ZNF674: variants seen among roughly 807,000 people sequenced by gnomAD.
ZNF674 encodes the protein zinc finger protein 674.
Under a neutral mutation model 7.0 loss-of-function variants are expected in ZNF674, and 2 were observed. The observed-to-expected ratio is 0.29, with a 90% CI of 0.12 to 0.90. The LOEUF (loss-of-function observed/expected upper bound fraction) is 0.90. Ranked by LOEUF, ZNF674 falls within the 40% of genes least tolerant of loss-of-function variation. The probability of loss-of-function intolerance (pLI) is 0.57; values close to 1 mark genes in which losing one functional copy is unlikely to be tolerated. For synonymous variants in ZNF674, 103 were observed against 145.2 expected, an observed-to-expected ratio of 0.71 and a Z score of 2.09; for missense variants, 297 against 415.5, an observed-to-expected ratio of 0.71 and a Z score of 2.48.
chrX:46,501,662 ATGTGTGTG>A (rs372308686), intron 5 of ZNF674, among the ~76,000 whole-genome samples: 1 of 102,355 alleles, frequency 9.8e-6, no homozygotes, highest in East Asian at 3.0e-4. Context: ...TTGTATATAT[ATGTGTGTG>A]TGTGTGTGTG....
intron 5 of ZNF674, among the ~76,000 whole-genome samples, chrX:46,516,609 C>T (rs974419119): frequency 8.9e-6 from 1 of 112,412 alleles, no homozygotes. Context: ...CACATGCACA[C>T]GACAGATCAA....
At chrX:46,513,084 G>A (rs759347551) in intron 5 of ZNF674, among the ~76,000 whole-genome samples, 2 of 110,639 alleles carry the variant, frequency 1.8e-5, no homozygotes, top group African/African-American at 6.6e-5. Flanking sequence ...CCAACATGGC[G>A]AAACTCTGTC....
chrX:46,507,177 C>T (rs1439687144), intron 5 of ZNF674, among the ~76,000 whole-genome samples: 2 of 110,710 alleles, frequency 1.8e-5, no homozygotes, highest in Admixed American at 9.7e-5. Flanking sequence ...CCAGTGAGAC[C>T]CCGTCTCTAT....
chrX:46,535,024 A>G (rs1359126336), intron 3 of ZNF674, among the ~76,000 whole-genome samples: 2 of 112,592 alleles, frequency 1.8e-5, no homozygotes, highest in African/African-American at 6.4e-5. Context: ...TACAGGTGTG[A>G]GCCACCGCTT....
At chrX:46,505,201 T>G (rs1941511151) in intron 5 of ZNF674, among the ~76,000 whole-genome samples, 1 of 111,966 alleles carries the variant, frequency 8.9e-6, no homozygotes, top group Admixed American at 9.5e-5. Context: ...TTCTTTTATT[T>G]TTAAAAAAAT....
At chrX:46,531,908 T>C (rs1235458722) in intron 3 of ZNF674, among the ~76,000 whole-genome samples, 2 of 112,055 alleles carry the variant, frequency 1.8e-5, no homozygotes, top group Non-Finnish European at 3.8e-5. Context: ...GGCTCACGCC[T>C]GTGATCCCAG....
chrX:46,518,716 A>G (rs1361316240), intron 5 of ZNF674, among the ~76,000 whole-genome samples: 4 of 92,210 alleles, frequency 4.3e-5, no homozygotes, highest in African/African-American at 1.5e-4. Context: ...TCTACTAAAA[A>G]TACAAAAAAA....
intron 5 of ZNF674, among the ~76,000 whole-genome samples, chrX:46,505,668 G>A (rs1040937020): frequency 1.8e-5 from 2 of 110,830 alleles, no homozygotes; most frequent in Non-Finnish European, 3.8e-5. Flanking sequence ...CTACTTAGGA[G>A]GCTGAGGCAG....
chrX:46,528,526 G>A lies in ZNF674; in HGVS notation c.143-81C>T. On this transcript the variant is annotated intron_variant, in intron 4 of 5. Coordinates refer to ENST00000683375, the MANE Select transcript of ZNF674 (RefSeq NM_001190417.2). ...CTAGGCCCACCCCTGCAGGCTGAAG[G>A]TGGCACGGCCTCGGTGATGGCCCCA... 4.6e-6 allele frequency: 5 copies of A among 1,075,271 alleles called. No individual in the cohort carries two copies. The South Asian group carries it at 9.4e-5, about 20-fold the overall frequency. 88.6% of individuals were successfully genotyped at this position (1,075,271 alleles called of 1,213,427 possible).
chrX:46,500,488 A>C lies in ZNF674; in HGVS notation c.1086T>G (p.Asp362Glu), dbSNP rs780611116. The change falls in exon 6 of 6, where the codon GAT becomes GAG. Residue 362 changes from aspartate (D) to glutamate (E), a missense_variant. By Grantham distance (45) the Asp-to-Glu change is conservative (BLOSUM62 2). Coordinates refer to ENST00000683375, the MANE Select transcript of ZNF674 (RefSeq NM_001190417.2). ...PQCSEHGKAS[D>E]EKPSPTKHWR... is the part of the protein sequence containing the mutation. ...AATGTTTAGTGGGACTGGGCTTCTC[A>C]TCAGAGGCTTTCCCATGTTCACTGC... 1 of 1,211,984 alleles carries C rather than the reference A, an allele frequency of 8.3e-7. No homozygotes were observed. Among genetic ancestry groups the C allele is most frequent in the Non-Finnish European group, 1.1e-6 (1 of 895,440 alleles).
At chrX:46,528,519 G>A (rs1942050374) in intron 4 of ZNF674, 74 bp from the exon 5 acceptor site, 3 of 1,088,553 alleles carry the variant, frequency 2.8e-6, no homozygotes, top group South Asian at 3.7e-5. Flanking sequence ...ACCCCTGCAG[G>A]CTGAAGGTGG....
In ZNF674 at chrX:46,512,722, C is replaced by A. The variant is rs1206244030; in HGVS notation, c.239-11387G>T. ...GAGGTTGCAGTGAGCCGAGATGGCACCACTGCACTCCAGCCTGGGTGACAG... is the reference window on the plus strand; with the variant it reads ...GAGGTTGCAGTGAGCCGAGATGGCAACACTGCACTCCAGCCTGGGTGACAG... On this transcript the variant is annotated intron_variant, in intron 5 of 5. Transcript: ENST00000683375. Among the ~76,000 whole-genome samples the A allele has an allele frequency of 2.8e-5, 3 of 107,767 alleles. No individual in the cohort carries two copies. In the South Asian group the frequency reaches 1.2e-3, roughly 44 times the overall value. The allele number at this position is 107,767 out of a possible 115,157, so 93.6% of individuals were successfully genotyped here.
At chrX:46,511,101 C>T (rs996923986) in intron 5 of ZNF674, among the ~76,000 whole-genome samples, 3 of 111,815 alleles carry the variant, frequency 2.7e-5, no homozygotes, top group Non-Finnish European at 5.6e-5. Flanking sequence ...CAATCATTGT[C>T]TTCATGATTA....
chrX:46,515,830 G>A (rs776542910), intron 5 of ZNF674, among the ~76,000 whole-genome samples: 1 of 110,774 alleles, frequency 9.0e-6, no homozygotes, highest in South Asian at 3.8e-4. Context: ...GGCTGGTCTT[G>A]AACTTCTGGT....
At chrX:46,527,717 G>A (rs780075749) in intron 5 of ZNF674, 3 of 111,629 alleles carry the variant, frequency 2.7e-5, no homozygotes, top group African/African-American at 9.8e-5. Flanking sequence ...ATTTGTAAGA[G>A]TCTGGGAAGG....
intron 5 of ZNF674, among the ~76,000 whole-genome samples, chrX:46,507,745 G>A (rs190693442): frequency 1.8e-5 from 2 of 111,797 alleles, no homozygotes; most frequent in Admixed American, 1.9e-4. Flanking sequence ...CATGCCTTTG[G>A]GTGGGTGACA....
intron 5 of ZNF674, among the ~76,000 whole-genome samples, chrX:46,507,159 C>T (rs1941555782): frequency 9.0e-6 from 1 of 111,358 alleles, no homozygotes; most frequent in Non-Finnish European, 1.9e-5. Context: ...CCAGCCTAGA[C>T]TCTCAGTCCA....
At position 46,505,768 on chromosome X, in the gene ZNF674, T is replaced by TCTCACACACACA. The variant is rs377176227; in HGVS notation, c.239-4434_239-4433insTGTGTGTGTGAG. On this transcript the variant is annotated intron_variant, in intron 5 of 5. Transcript: ENST00000683375. ...CCTGGGCTAAAAGAGCAAAACTCTG[T>TCTCACACACACA]CACACACACACACACACACACACAC... 6.6e-3 allele frequency among the ~76,000 whole-genome samples: 658 copies of TCTCACACACACA among 100,238 alleles called. 7 individuals carry two copies. Among genetic ancestry groups the TCTCACACACACA allele is most frequent in the African/African-American group, 0.023 (621 of 27,312 alleles). 87.0% of individuals were successfully genotyped at this position (100,238 alleles called of 115,157 possible).
intron 5 of ZNF674, among the ~76,000 whole-genome samples, chrX:46,519,254 ATAGATAGATAAAGATAGATGATAGAT>A (rs1569476286): frequency 3.0e-4 from 23 of 75,454 alleles, no homozygotes; most frequent in African/African-American, 1.1e-3. Flanking sequence ...AGATAGATAG[ATAGATAGATAAAGATAGATGATAGAT>A]AGATAGATAG....
Sources: allele counts gnomAD v4.1 joint callset (sites outside exome capture counted in the v4.1 genomes callset), GRCh38; gene constraint gnomAD v4.1.1; transcripts MANE v1.5; gene names NCBI Gene and HGNC (gene_info 2026-07-23, HGNC 2026-07-21).